The following PDYN variants were observed in gnomAD, a reference collection of about 807,000 sequenced individuals.
PDYN encodes the protein proenkephalin-B.
Under a neutral mutation model 11.4 loss-of-function variants are expected in PDYN, and 5 were observed. The observed-to-expected ratio is 0.44, with a 90% CI of 0.23 to 0.92. The LOEUF (loss-of-function observed/expected upper bound fraction) is 0.92, where lower values mean the gene tolerates loss of function less well. Ranked by LOEUF, PDYN falls within the 40% of genes least tolerant of loss-of-function variation. The pLI is 0.24. For missense variants in PDYN, 337 were observed against 317.3 expected (o/e 1.06, Z -0.47); for synonymous variants, 132 against 129.5 (o/e 1.02, Z -0.13).
At chr20:1,984,691 G>C (rs550811297) in intron 2 of PDYN, among the ~76,000 whole-genome samples, 1 of 152,106 alleles carries the variant, frequency 6.6e-6, no homozygotes, top group African/African-American at 2.4e-5. Flanking sequence ...TTGAGTTCAG[G>C]AATTTGAGAC....
chr20:1,992,246 C>A (rs1232342232), intron 2 of PDYN, among the ~76,000 whole-genome samples: 1 of 152,152 alleles, frequency 6.6e-6, no homozygotes, highest in Admixed American at 6.5e-5. Context: ...GGGATTTCAG[C>A]CCAGCACTGT....
Position 1,980,877 on chromosome 20 carries a change from G to C in PDYN, c.211C>G (p.Pro71Ala). 6.2e-7 allele frequency: 1 copy of C among 1,614,152 alleles called. No homozygotes were observed. Among genetic ancestry groups the C allele is most frequent in the Non-Finnish European group, 8.5e-7 (1 of 1,180,024 alleles). ...RCQSFLSFFT[P>A]STLGLNDKED... Reference sequence around the variant, plus strand: ...TTGTCATTGAGCCCAAGGGTGGAGGGGGTGAAAAAAGACAGAAAGCTCTGG... The same window carrying C: ...TTGTCATTGAGCCCAAGGGTGGAGGCGGTGAAAAAAGACAGAAAGCTCTGG... The change falls in exon 4 of 4, where the codon CCC becomes GCC. Residue 71 changes from proline to alanine, a missense_variant. Pro to Ala is a conservative substitution (Grantham distance 27). Coordinates refer to ENST00000217305, the MANE Select transcript of PDYN (RefSeq NM_024411.5).
At chr20:1,990,834 T>C (rs1988404813) in intron 2 of PDYN, among the ~76,000 whole-genome samples, 1 of 145,234 alleles carries the variant, frequency 6.9e-6, no homozygotes, top group South Asian at 2.2e-4. Flanking sequence ...GAGTTAGAGA[T>C]ATAGACACAG....
chr20:1,984,863 C>T (rs1200324238), intron 2 of PDYN, among the ~76,000 whole-genome samples: 1 of 151,994 alleles, frequency 6.6e-6, no homozygotes, highest in East Asian at 1.9e-4. Context: ...TGTGCCACTG[C>T]ACTCCAGCCT....
intron 2 of PDYN, among the ~76,000 whole-genome samples, chr20:1,990,672 T>C (rs766874399): frequency 3.3e-5 from 5 of 151,802 alleles, no homozygotes; most frequent in Admixed American, 6.6e-5. Flanking sequence ...CACTGCATAT[T>C]TAAAAGAACG....
chr20:1,993,509 A>T (rs977187194), intron 1 of PDYN, among the ~76,000 whole-genome samples: 1 of 152,228 alleles, frequency 6.6e-6, no homozygotes, highest in Non-Finnish European at 1.5e-5. Context: ...CTCTAAGTCC[A>T]GTGAGACTCA....
intron 2 of PDYN, among the ~76,000 whole-genome samples, chr20:1,986,427 C>A (rs1031642138): frequency 1.3e-5 from 2 of 152,202 alleles, no homozygotes; most frequent in African/African-American, 4.8e-5. Flanking sequence ...TTCCACGCAG[C>A]AGCTGGAGGA....
intron 2 of PDYN, among the ~76,000 whole-genome samples, chr20:1,990,327 A>C (rs1988377935): frequency 6.6e-6 from 1 of 152,010 alleles, no homozygotes; most frequent in African/African-American, 2.4e-5. Context: ...AACCTCCCAA[A>C]CTCTCACATT....
chr20:1,980,687 G>C lies in PDYN; in HGVS notation c.401C>G (p.Ser134Cys). 6.2e-7 allele frequency: 1 copy of C among 1,614,204 alleles called. No homozygotes were observed. ...KSLEEKLRGLSDGFREGAESE... is the reference protein window; with the variant it reads ...KSLEEKLRGLCDGFREGAESE... ...CTCTGCTCCCTCCCTAAACCCGTCA[G>C]AGAGACCCCTGAGCTTCTCCTCCAG... The change falls in exon 4 of 4, where the codon TCT becomes TGT. Residue 134 changes from serine (S) to cysteine (C), a missense_variant. Coordinates refer to ENST00000217305, the MANE Select transcript of PDYN (RefSeq NM_024411.5).
chr20:1,990,940 G>C (rs1291081568), intron 2 of PDYN, among the ~76,000 whole-genome samples: 1 of 150,986 alleles, frequency 6.6e-6, no homozygotes, highest in East Asian at 1.9e-4. Flanking sequence ...AGAGGTGGAG[G>C]ACCATATGGG....
At chr20:1,987,530 G>A (rs563754109) in intron 2 of PDYN, among the ~76,000 whole-genome samples, 2 of 152,276 alleles carry the variant, frequency 1.3e-5, no homozygotes, top group African/African-American at 2.4e-5. Flanking sequence ...CCTCACTGCC[G>A]ACTGCCTGAC....
chr20:1,986,101 C>T (rs1988168796), intron 2 of PDYN, among the ~76,000 whole-genome samples: 1 of 152,218 alleles, frequency 6.6e-6, no homozygotes, highest in South Asian at 2.1e-4. Context: ...TAATGAAGTA[C>T]TCACGATGTT....
chr20:1,987,031 C>G (rs565170578), intron 2 of PDYN, among the ~76,000 whole-genome samples: 2 of 152,314 alleles, frequency 1.3e-5, no homozygotes, highest in South Asian at 4.1e-4. Context: ...ACTTACCTGT[C>G]AGTCCCTTAT....
rs1323905154 is a variant in PDYN at position 1,979,742 on chromosome 20, G to A, written c.*581C>T. ...GGTTCCTGATCCAATATAAGGCAAT[G>A]TTTAAGCTTTTTACCTAAAGCATCG... On this transcript the variant is annotated 3_prime_UTR_variant, in exon 4 of 4. Transcript: ENST00000217305. The A allele has an allele frequency of 1.8e-5, 3 of 166,534 alleles. No individual in the cohort carries two copies. Among genetic ancestry groups the A allele is most frequent in the South Asian group, 1.4e-4 (1 of 6,918 alleles). The allele number at this position is 166,534 out of a possible 1,614,324, so 10.3% of individuals were successfully genotyped here.
chr20:1,981,783 G>A (rs1011372651), intron 3 of PDYN, among the ~76,000 whole-genome samples: 1 of 151,858 alleles, frequency 6.6e-6, no homozygotes, highest in African/African-American at 2.4e-5. Context: ...AAAATTAGCT[G>A]GGTGTGGTGG....
At chr20:1,985,355 C>T (rs117862216) in intron 2 of PDYN, among the ~76,000 whole-genome samples, 21 of 152,280 alleles carry the variant, frequency 1.4e-4, no homozygotes, top group African/African-American at 2.6e-4. Flanking sequence ...TTCAGGGAAG[C>T]GGGCACTTCT....
intron 2 of PDYN, among the ~76,000 whole-genome samples, chr20:1,990,345 T>C (rs1337546649): frequency 1.3e-5 from 2 of 152,164 alleles, no homozygotes; most frequent in Non-Finnish European, 2.9e-5. Context: ...ATTCCTGACG[T>C]TGAAACCATT....
chr20:1,980,488 A>T lies in PDYN; in HGVS notation c.600T>A (p.His200Gln), dbSNP rs6045819. ...CCCCATAGCGTTTGTACAGGTCCTC[A>T]TGGCCCATGCTATCCCCGTCCCCCT... ...AGEGDGDSMG[H>Q]EDLYKRYGGF... is the part of the protein sequence containing the mutation. The change falls in exon 4 of 4, where the codon CAT becomes CAA. Residue 200 changes from histidine (H) to glutamine (Q), a missense_variant. His to Gln is a conservative substitution (Grantham distance 24). Transcript: ENST00000217305. 1.2e-6 allele frequency: 2 copies of T among 1,613,552 alleles called. No homozygotes were observed. Among genetic ancestry groups the T allele is most frequent in the Admixed American group, 1.7e-5 (1 of 59,970 alleles).
At chr20:1,984,296 T>C (rs73571370) in intron 2 of PDYN, among the ~76,000 whole-genome samples, 8,235 of 152,254 alleles carry the variant, frequency 0.054, 633 homozygotes, top group African/African-American at 0.18. Context: ...AAATTAGTTG[T>C]CACATTGGCA....
Sources: gnomAD v4.1 joint callset for allele counts (sites outside exome capture counted in the v4.1 genomes callset) on GRCh38, gnomAD v4.1.1 for gene constraint, MANE v1.5 for transcripts, NCBI Gene and HGNC (gene_info 2026-07-23, HGNC 2026-07-21) for gene names.